MCM9: variants seen among roughly 807,000 people sequenced by gnomAD.
The protein encoded by MCM9 is DNA helicase MCM9.
MCM9 carries 55 observed loss-of-function variants against 72.8 expected under a neutral mutation model. The observed-to-expected ratio is 0.76, with a 90% confidence interval of 0.61 to 0.95. The LOEUF (loss-of-function observed/expected upper bound fraction) is 0.95, where lower values mean the gene tolerates loss of function less well. Among genes scored for constraint, MCM9 ranks in the 40% least tolerant of loss-of-function variants. The probability of loss-of-function intolerance (pLI) is 0.00; values close to 1 mark genes in which losing one functional copy is unlikely to be tolerated. For missense variants in MCM9, 1,279 were observed against 1,377.0 expected (o/e 0.93, Z 1.13); for synonymous variants, 480 against 503.4 (o/e 0.95, Z 0.62).
intron 8 of MCM9, among the ~76,000 whole-genome samples, chr6:118,892,461 T>C (rs561481370): frequency 6.6e-6 from 1 of 152,178 alleles, no homozygotes; most frequent in African/African-American, 2.4e-5. Flanking sequence ...AAGCATAAAA[T>C]GTCGTTTTCA....
At chr6:118,865,482 G>T (rs930629328) in intron 8 of MCM9, among the ~76,000 whole-genome samples, 1 of 152,204 alleles carries the variant, frequency 6.6e-6, no homozygotes, top group African/African-American at 2.4e-5. Flanking sequence ...CACTTCTAAC[G>T]GCTACATCCC....
At chr6:118,840,574 G>C (rs996067064) in intron 9 of MCM9, among the ~76,000 whole-genome samples, 1 of 152,014 alleles carries the variant, frequency 6.6e-6, no homozygotes, top group Non-Finnish European at 1.5e-5. Context: ...TAGACTGTCT[G>C]ACATTTCTAT....
intron 8 of MCM9, among the ~76,000 whole-genome samples, chr6:118,894,727 C>CT (rs1334988762): frequency 6.6e-6 from 1 of 152,184 alleles, no homozygotes; most frequent in African/African-American, 2.4e-5. Flanking sequence ...CCGGGCTCAA[C>CT]TTGCGAGGAA....
intron 9 of MCM9, among the ~76,000 whole-genome samples, chr6:118,843,672 A>ATATATACG (rs1321655061): frequency 2.7e-4 from 11 of 40,672 alleles, no homozygotes; most frequent in African/African-American, 5.5e-4. Flanking sequence ...ATATATATGT[A>ATATATACG]TGTATATATA....
At chr6:118,842,676 C>G (rs966291593) in intron 9 of MCM9, among the ~76,000 whole-genome samples, 1 of 152,092 alleles carries the variant, frequency 6.6e-6, no homozygotes, top group Non-Finnish European at 1.5e-5. Context: ...TGCATCACCA[C>G]GCTTTGCTAT....
intron 13 of MCM9, among the ~76,000 whole-genome samples, chr6:118,823,226 C>A (rs1216448157): frequency 6.6e-6 from 1 of 152,134 alleles, no homozygotes. Context: ...AAACCCAGGG[C>A]CCTGGTGGTG....
chr6:118,854,231 C>A (rs192252974), intron 9 of MCM9, among the ~76,000 whole-genome samples: 34 of 152,270 alleles, frequency 2.2e-4, no homozygotes, highest in African/African-American at 8.2e-4. Context: ...TCTTACTAAA[C>A]TGACCATACT....
chr6:118,815,367 G>A lies in MCM9; in HGVS notation c.2889C>T (p.Asp963=), dbSNP rs117470188. The A allele has an allele frequency of 0.012, 18,073 of 1,550,412 alleles. 151 individuals are homozygous for A. The highest frequency in any genetic ancestry group is 0.013 in the Non-Finnish European group (15,105 of 1,146,854). ...CTGGACGCTTCACCGGCAAGGCTGC[G>A]TCTCTTCTTGTTCTACGCTGGGAAA... is the stretch of plus-strand genomic sequence containing the variant. ...PKISQRRTRR[D]AALPVKRPGK... The change falls in exon 14 of 14, where the codon GAC becomes GAT. Residue 963 remains aspartate, a synonymous_variant. Transcript: ENST00000619706.
chr6:118,830,328 A>C (rs1422865690), intron 9 of MCM9, among the ~76,000 whole-genome samples: 1 of 152,248 alleles, frequency 6.6e-6, no homozygotes, highest in Admixed American at 6.5e-5. Context: ...TCTAGCTAGC[A>C]GCTACTTCAT....
intron 9 of MCM9, among the ~76,000 whole-genome samples, chr6:118,846,462 G>A (rs534286015): frequency 3.9e-5 from 6 of 151,904 alleles, no homozygotes; most frequent in African/African-American, 1.5e-4. Flanking sequence ...AGAATCCCAT[G>A]TAGAGTGGGG....
intron 13 of MCM9, among the ~76,000 whole-genome samples, chr6:118,817,194 A>G (rs1773462255): frequency 6.6e-6 from 1 of 152,066 alleles, no homozygotes; most frequent in African/African-American, 2.4e-5. Context: ...ATAGGTATAC[A>G]TGTGCCATGG....
intron 9 of MCM9, among the ~76,000 whole-genome samples, chr6:118,834,290 T>C (rs1774798513): frequency 6.6e-6 from 1 of 152,188 alleles, no homozygotes; most frequent in South Asian, 2.1e-4. Flanking sequence ...TTCCAAGTCT[T>C]TGCTATTGTG....
intron 8 of MCM9, among the ~76,000 whole-genome samples, chr6:118,867,854 TTAA>T (rs1438948367): frequency 6.7e-6 from 1 of 150,254 alleles, no homozygotes; most frequent in East Asian, 2.0e-4. Context: ...GTTGGGTAAA[TTAA>T]TTATATTTCT....
intron 9 of MCM9, among the ~76,000 whole-genome samples, chr6:118,854,478 G>A (rs1040288901): frequency 6.6e-6 from 1 of 152,132 alleles, no homozygotes; most frequent in Non-Finnish European, 1.5e-5. Context: ...TCAGCCTCCC[G>A]AGTTGCTGGG....
Position 118,911,638 on chromosome 6 carries a change from C to T in MCM9, c.1150+12G>A, listed in dbSNP as rs1401191248. 3.1e-6 allele frequency: 5 copies of T among 1,599,594 alleles called. No individual in the cohort carries two copies. The highest frequency in any genetic ancestry group is 4.3e-6 in the Non-Finnish European group (5 of 1,172,824). Reference sequence around the variant, plus strand: ...GTAATGTTAAATTACTTGAAATTGTCACATACAATACCTGCACTAGTAGAT... The same window carrying T: ...GTAATGTTAAATTACTTGAAATTGTTACATACAATACCTGCACTAGTAGAT... On this transcript the variant is annotated intron_variant, in intron 8 of 13. Transcript: ENST00000619706.
rs1773252557 is a variant in MCM9, at chr6:118,813,832, A to G, written c.*992T>C. Reference sequence around the variant, plus strand: ...AACTTAGTAGGAATCACATTTCCATATTAACCAGCTGGGTAGATGAGACAT... The same window carrying G: ...AACTTAGTAGGAATCACATTTCCATGTTAACCAGCTGGGTAGATGAGACAT... On this transcript the variant is annotated 3_prime_UTR_variant, in exon 14 of 14. Coordinates refer to ENST00000619706, the MANE Select transcript of MCM9 (RefSeq NM_017696.3). The G allele has an allele frequency of 6.6e-6, 1 of 152,192 alleles. No homozygotes were observed. The highest frequency in any genetic ancestry group is 1.5e-5 in the Non-Finnish European group (1 of 68,026). 9.4% of individuals were successfully genotyped at this position (152,192 alleles called of 1,614,324 possible).
chr6:118,899,156 A>C (rs1779632783), intron 8 of MCM9, among the ~76,000 whole-genome samples: 1 of 152,178 alleles, frequency 6.6e-6, no homozygotes, highest in Admixed American at 6.5e-5. Context: ...AATTATTGAA[A>C]TATTGTTTCT....
intron 8 of MCM9, among the ~76,000 whole-genome samples, chr6:118,885,638 T>G (rs552438958): frequency 1.7e-4 from 26 of 152,192 alleles, no homozygotes; most frequent in African/African-American, 5.8e-4. Flanking sequence ...ACAACCTGAA[T>G]AGACTATAAA....
At chr6:118,872,244 G>A (rs368676349) in intron 8 of MCM9, among the ~76,000 whole-genome samples, 6 of 151,742 alleles carry the variant, frequency 4.0e-5, no homozygotes, top group African/African-American at 1.2e-4. Flanking sequence ...GAGTGAGCCC[G>A]GGAGGCGGAG....
Sources: allele counts gnomAD v4.1 joint callset (sites outside exome capture counted in the v4.1 genomes callset), GRCh38; gene constraint gnomAD v4.1.1; transcripts MANE v1.5; gene names NCBI Gene and HGNC (gene_info 2026-07-23, HGNC 2026-07-21).